Variants in C20orf204 observed in about 807,000 individuals in gnomAD.
C20orf204 encodes uncharacterized protein C20orf204.
C20orf204 carries 6 observed loss-of-function variants against 3.6 expected under a neutral mutation model. The ratio of observed to expected loss-of-function variants is 1.68; its 90% confidence interval spans 0.92 to 3.31. C20orf204 has a LOEUF of 3.31. Ranked by LOEUF, C20orf204 falls within the 30% of genes most tolerant of loss-of-function variation. C20orf204 has a pLI of 0.00. For missense variants in C20orf204, 167 were observed against 89.7 expected (o/e 1.86, Z -3.48); for synonymous variants, 80 against 41.4 (o/e 1.93, Z -3.58).
upstream of C20orf204, among the ~76,000 whole-genome samples, chr20:64,034,145 G>A (rs1204187823): frequency 1.3e-5 from 2 of 152,186 alleles, no homozygotes; most frequent in Non-Finnish European, 2.9e-5. Context: ...TGAGGAGGCT[G>A]CTGGAGAGCA....
Position 64,038,736 on chromosome 20 carries a change from GC to G in C20orf204, c.551del (p.Pro184ArgfsTer33). 1.5e-6 allele frequency: 1 copy of G among 689,630 alleles called. No individual in the cohort carries two copies. The highest frequency in any genetic ancestry group is 1.5e-5 in the South Asian group (1 of 65,194). 42.7% of individuals were successfully genotyped at this position (689,630 alleles called of 1,614,324 possible). On this transcript the variant is annotated frameshift_variant, in exon 4 of 4. Transcript: ENST00000636176. LOFTEE classifies it high-confidence loss of function. ...TCWEKLFALR[A>X]PASRDS is the part of the protein sequence containing the mutation. The stretch of plus-strand genomic sequence containing the variant: ...CTGGGAGAAGCTCTTCGCGCTGCGC[GC>G]CCCGGCCTCCAGGGACTCCTAGCGC...
At position 64,038,077 on chromosome 20, in the gene C20orf204, G is replaced by C. The variant is rs1394538743; in HGVS notation, c.154G>C (p.Gly52Arg). The C allele has an allele frequency of 5.9e-6, 3 of 509,142 alleles. No individual in the cohort carries two copies. In the African/African-American group the frequency reaches 6.1e-5, roughly 10 times the overall value. 31.5% of individuals were successfully genotyped at this position (509,142 alleles called of 1,614,324 possible). A position where few individuals can be genotyped will look rare whatever the true frequency, so the allele number is the denominator to read the frequency against. Residue 52 changes from glycine to arginine, a missense_variant, in exon 2 of 4, where the codon GGC (glycine) becomes CGC (arginine). Physicochemically the swap from Gly to Arg is moderately radical, Grantham distance 125 (BLOSUM62 -2). Coordinates refer to ENST00000636176, the MANE Select transcript of C20orf204 (RefSeq NM_001387010.1). ...FEDLQAAVKW[G>R]GAGAEKTRPG... Reference sequence around the variant, plus strand: ...GGATCTGCAGGCCGCCGTGAAGTGGGGCGGGGCGGGGGCCGAAAAGACCAG... The same window carrying C: ...GGATCTGCAGGCCGCCGTGAAGTGGCGCGGGGCGGGGGCCGAAAAGACCAG...
At chr20:64,037,364 T>G (rs2059341389) in intron 1 of C20orf204, 1 of 152,352 alleles carries the variant, frequency 6.6e-6, no homozygotes, top group Admixed American at 6.5e-5. Flanking sequence ...TTCCCACGTC[T>G]CTGTGAGCTA....
chr20:64,038,439 G>A lies in C20orf204; in HGVS notation c.423G>A (p.Thr141=), dbSNP rs978203463. 4 of 762,460 alleles carry A rather than the reference G, an allele frequency of 5.2e-6. No homozygotes were observed. Among genetic ancestry groups the A allele is most frequent in the African/African-American group, 3.5e-5 (2 of 57,416 alleles). 47.2% of individuals were successfully genotyped at this position (762,460 alleles called of 1,614,324 possible). The change falls in exon 3 of 4, where the codon ACG becomes ACA. Residue 141 remains threonine, a synonymous_variant. Coordinates refer to ENST00000636176, the MANE Select transcript of C20orf204 (RefSeq NM_001387010.1). Reference sequence around the variant, plus strand: ...CGGTGATGCGGCGCCACTGCAGGACGCTGCGCCAGGTGTGCGTCCCTGAGT... The same window carrying A: ...CGGTGATGCGGCGCCACTGCAGGACACTGCGCCAGGTGTGCGTCCCTGAGT... ...TEAVMRRHCR[T]LRQRSRRPKM...
upstream of C20orf204, among the ~76,000 whole-genome samples, chr20:64,033,797 G>T (rs531899901): frequency 2.0e-5 from 3 of 152,340 alleles, no homozygotes; most frequent in African/African-American, 7.2e-5. Context: ...GTGAGCCACC[G>T]CACCCGGCCG....
intron 1 of C20orf204, chr20:64,037,448 C>T (rs938169722): frequency 1.3e-5 from 2 of 155,614 alleles, no homozygotes; most frequent in African/African-American, 4.8e-5. Context: ...TGTACTGGGA[C>T]AACTTCCTAC....
At chr20:64,037,213 CTGTT>C (rs1394764951) in intron 1 of C20orf204, 2 of 152,402 alleles carry the variant, frequency 1.3e-5, no homozygotes, top group Non-Finnish European at 2.9e-5. Context: ...CCTTTTGCGA[CTGTT>C]GGTTGGGGCT....
upstream of C20orf204, chr20:64,035,132 G>A (rs2059333370): frequency 6.6e-6 from 1 of 152,228 alleles, no homozygotes. Context: ...CCACAGTTGT[G>A]CGCCACTTAA....
chr20:64,038,237 C>T (rs1010736774), intron 2 of C20orf204, 35 bp downstream of exon 2: 3 of 736,876 alleles, frequency 4.1e-6, no homozygotes, highest in Non-Finnish European at 7.5e-6. Flanking sequence ...AGCTCGCCGG[C>T]CTGCTCCTCT....
chr20:64,037,732 T>C (rs1345881262), intron 1 of C20orf204, 195 bp from the exon 2 acceptor site: 3 of 398,474 alleles, frequency 7.5e-6, no homozygotes, highest in Admixed American at 4.4e-5. Context: ...CTATCTCTTG[T>C]GTCTCCTGAT....
upstream of C20orf204, chr20:64,034,654 TGAG>T (rs2059331442): frequency 6.6e-6 from 1 of 152,372 alleles, no homozygotes; most frequent in African/African-American, 2.4e-5. Flanking sequence ...GACGGAAGCA[TGAG>T]GGAGCCCTCA....
Position 64,036,278 on chromosome 20 carries a change from G to A in C20orf204, c.-46G>A, listed in dbSNP as rs1219478013. Reference sequence around the variant, plus strand: ...GCCCAAGGACCCCAGGATCATGTGCGTGGCCTGCTGGCGGGAGTGAGGGAG... The same window carrying A: ...GCCCAAGGACCCCAGGATCATGTGCATGGCCTGCTGGCGGGAGTGAGGGAG... On this transcript the variant is annotated 5_prime_UTR_variant, in exon 1 of 4. The change creates a new upstream start codon in the 5' untranslated region. Transcript: ENST00000636176. The A allele has an allele frequency of 2.0e-5, 3 of 152,828 alleles. No homozygotes were observed. Among genetic ancestry groups the A allele is most frequent in the African/African-American group, 4.8e-5 (2 of 41,450 alleles). The allele number at this position is 152,828 out of a possible 1,614,324, so 9.5% of individuals were successfully genotyped here.
At position 64,038,288 on chromosome 20, in the gene C20orf204, C is replaced by T. The variant is rs1333422176; in HGVS notation, c.280-8C>T. 4.0e-6 allele frequency: 3 copies of T among 754,736 alleles called. No individual in the cohort carries two copies. The highest frequency in any genetic ancestry group is 2.8e-5 in the South Asian group (2 of 72,066). 46.8% of individuals were successfully genotyped at this position (754,736 alleles called of 1,614,324 possible). On this transcript the variant is annotated splice_region_variant and splice_polypyrimidine_tract_variant and intron_variant, in intron 2 of 3. Transcript: ENST00000636176. ...CCCCCACCCCGCCTTCCTCCCTTCC[C>T]TCCCCAGGAGCACAGTATCCTCCTG... is the stretch of plus-strand genomic sequence containing the variant.
chr20:64,034,685 G>A (rs116569600), upstream of C20orf204: 863 of 152,622 alleles, frequency 5.7e-3, 10 homozygotes, highest in African/African-American at 0.02. Flanking sequence ...TTCTGAAGAT[G>A]AAGAGAGTCC....
chr20:64,037,889 A>AC (rs1293083335), intron 1 of C20orf204, 38 bp from the exon 2 acceptor site: 3 of 412,666 alleles, frequency 7.3e-6, no homozygotes, highest in African/African-American at 4.1e-5. Context: ...TGCTGGGAAC[A>AC]CCCCCCAGGC....
In C20orf204 at chr20:64,038,019, C is replaced by A; in HGVS notation, c.96C>A (p.Asp32Glu). 1.9e-6 allele frequency: 1 copy of A among 523,032 alleles called. No individual in the cohort carries two copies. The highest frequency in any genetic ancestry group is 3.4e-6 in the Non-Finnish European group (1 of 298,412). 32.4% of individuals were successfully genotyped at this position (523,032 alleles called of 1,614,324 possible). The stretch of plus-strand genomic sequence containing the variant: ...ATTCCCCGGCCTGCAGCGTCCCCGA[C>A]GTGCTCCGCCACTATCGCGCCATCA... ...RAYSPACSVPDVLRHYRAIIF... is the reference protein window; with the variant it reads ...RAYSPACSVPEVLRHYRAIIF... The change falls in exon 2 of 4, where the codon GAC (aspartate) becomes GAA (glutamate). Residue 32 changes from aspartate (D) to glutamate (E), a missense_variant. Asp to Glu is a conservative substitution (Grantham distance 45). Coordinates refer to ENST00000636176, the MANE Select transcript of C20orf204 (RefSeq NM_001387010.1).
At chr20:64,036,495 T>G (rs1188030461) in intron 1 of C20orf204, 169 bp downstream of exon 1, 1 of 152,750 alleles carries the variant, frequency 6.5e-6, no homozygotes, top group Non-Finnish European at 1.5e-5. Flanking sequence ...GTGCCCTGGC[T>G]TCTGGCAGTT....
Position 64,038,122 on chromosome 20 carries a change from C to A in C20orf204, c.199C>A (p.His67Asn), listed in dbSNP as rs964529080. 272 of 553,272 alleles carry A rather than the reference C, an allele frequency of 4.9e-4. 2 individuals are homozygous for A. In the East Asian group the frequency reaches 9.1e-3, roughly 18 times the overall value. The allele number at this position is 553,272 out of a possible 1,614,324, so 34.3% of individuals were successfully genotyped here. The stretch of plus-strand genomic sequence containing the variant: ...GACCAGGCCAGGCTCCAGACACTTT[C>A]ATTTCATACAGAAAAACCTGACTAG... ...EKTRPGSRHFHFIQKNLTRPG... is the reference protein window; with the variant it reads ...EKTRPGSRHFNFIQKNLTRPG... The change falls in exon 2 of 4, where the codon CAT becomes AAT. Residue 67 changes from histidine to asparagine, a missense_variant. Transcript: ENST00000636176.
intron 1 of C20orf204, 112 bp from the exon 2 acceptor site, chr20:64,037,815 G>A (rs904130302): frequency 1.2e-5 from 5 of 404,402 alleles, no homozygotes; most frequent in African/African-American, 2.1e-5. Context: ...CAGAGATCCC[G>A]TGGGGTGGGG....
Sources: allele counts gnomAD v4.1 joint callset (sites outside exome capture counted in the v4.1 genomes callset), GRCh38; gene constraint gnomAD v4.1.1; transcripts MANE v1.5; gene names NCBI Gene and HGNC (gene_info 2026-07-23, HGNC 2026-07-21).